The following AGAP1 variants were observed in gnomAD, a reference collection of about 807,000 sequenced individuals.
AGAP1 encodes the protein arf-GAP with GTPase, ANK repeat and PH domain-containing protein 1.
AGAP1 carries 29 observed loss-of-function variants against 105.3 expected under a neutral mutation model. The observed-to-expected ratio is 0.28, with a 90% CI of 0.21 to 0.38. The LOEUF is 0.38. Among genes scored for constraint, AGAP1 ranks in the 10% least tolerant of loss-of-function variants. The probability of loss-of-function intolerance (pLI) is 1.00; values close to 1 mark genes in which losing one functional copy is unlikely to be tolerated. For missense variants in AGAP1, 998 were observed against 1,165.1 expected (o/e 0.86, Z 2.09); for synonymous variants, 509 against 485.9 (o/e 1.05, Z -0.63).
chr2:235,711,942 T>A (rs1182075152), intron 2 of AGAP1, among the ~76,000 whole-genome samples: 1 of 152,202 alleles, frequency 6.6e-6, no homozygotes, highest in Non-Finnish European at 1.5e-5. Flanking sequence ...TTGCAATAAA[T>A]CTTTTGAAAT....
chr2:235,785,331 G>A (rs1372450582), intron 6 of AGAP1, among the ~76,000 whole-genome samples: 4 of 152,112 alleles, frequency 2.6e-5, no homozygotes, highest in Non-Finnish European at 5.9e-5. Flanking sequence ...CTAAAAATAG[G>A]AAGCAAATTA....
At position 235,494,544 on chromosome 2, in the gene AGAP1, TTTC is replaced by T. The variant is rs2148987384; in HGVS notation, c.-138_-136del. 6.6e-6 allele frequency: 1 copy of T among 150,602 alleles called. No homozygotes were observed. Among genetic ancestry groups the T allele is most frequent in the South Asian group, 2.2e-4 (1 of 4,622 alleles). 9.3% of individuals were successfully genotyped at this position (150,602 alleles called of 1,614,324 possible). A position where few individuals can be genotyped will look rare whatever the true frequency, so the allele number is the denominator to read the frequency against. ...GCCCCGCGCCTGCTCCGCCCGCGCC[TTTC>T]TTCTCGCGCCTCCTCCGCCCGCCGC... is the stretch of plus-strand genomic sequence containing the variant. On this transcript the variant is annotated 5_prime_UTR_variant, in exon 1 of 18. Coordinates refer to ENST00000304032, the MANE Select transcript of AGAP1 (RefSeq NM_001037131.3).
chr2:235,578,565 T>C lies in AGAP1; in HGVS notation c.163+83716T>C, dbSNP rs1475772392. Among the ~76,000 whole-genome samples the C allele has an allele frequency of 6.6e-6, 1 of 152,046 alleles. No homozygotes were observed. The highest frequency in any genetic ancestry group is 1.5e-5 in the Non-Finnish European group (1 of 67,986). ...TGGGAGGCTGAGGCAGGCGGATCAC[T>C]TGAGGTCAGGAGTTTGAGACCAGCC... On this transcript the variant is annotated intron_variant, in intron 1 of 17. Coordinates refer to ENST00000304032, the MANE Select transcript of AGAP1 (RefSeq NM_001037131.3). The surrounding 1 kb of genome is among the most constrained non-coding windows in gnomAD (Gnocchi z 4.9).
rs369640654 is a variant in AGAP1, at chr2:235,882,755, G to T, written c.1051-590G>T. ...CTCCCAAAGTTCTGGGATTACAGGC[G>T]TGAGCCACCGTGCCCGGCCTGGTTA... On this transcript the variant is annotated intron_variant, in intron 9 of 17. Transcript: ENST00000304032. This position sits in a 1 kb window ranked among gnomAD's most constrained non-coding sequence, Gnocchi z 4.6. Among the ~76,000 whole-genome samples, 1 of 152,162 alleles carries T rather than the reference G, an allele frequency of 6.6e-6. No homozygotes were observed. Among genetic ancestry groups the T allele is most frequent in the Non-Finnish European group, 1.5e-5 (1 of 68,034 alleles).
rs1053333062 is a variant in AGAP1 at position 235,662,247 on chromosome 2, C to G, written c.164-46932C>G. ...TTTGTGTATCCACTCAGTTGCATGC[C>G]AGGTAGTCACATCTTAACTTGTGGC... is the stretch of plus-strand genomic sequence containing the variant. On this transcript the variant is annotated intron_variant, in intron 1 of 17. Transcript: ENST00000304032. The surrounding 1 kb of genome is among the most constrained non-coding windows in gnomAD (Gnocchi z 4.2). Among the ~76,000 whole-genome samples, 3 of 152,176 alleles carry G rather than the reference C, an allele frequency of 2.0e-5. No homozygotes were observed. The highest frequency in any genetic ancestry group is 7.2e-5 in the African/African-American group (3 of 41,442).
chr2:235,750,375 C>A lies in AGAP1; in HGVS notation c.560C>A (p.Pro187Gln). 1 of 1,614,176 alleles carries A rather than the reference C, an allele frequency of 6.2e-7. No individual in the cohort carries two copies. Among genetic ancestry groups the A allele is most frequent in the Non-Finnish European group, 8.5e-7 (1 of 1,180,044 alleles). The change falls in exon 6 of 18, where the codon CCG becomes CAG. Residue 187 changes from proline to glutamine, a missense_variant. Physicochemically the swap from Pro to Gln is moderately conservative, Grantham distance 76 (BLOSUM62 -1). This residue lies in a region of AGAP1 where 735 missense variants were observed against 833.4 expected (regional missense o/e 0.88). Coordinates refer to ENST00000304032, the MANE Select transcript of AGAP1 (RefSeq NM_001037131.3). This position sits in a 1 kb window ranked among gnomAD's most constrained non-coding sequence, Gnocchi z 5.3. ...CCAGATGCCATAAGTTCTGCTAACCCGAGGGTCATCGATGACGCCAGGGCG... is the reference window on the plus strand; with the variant it reads ...CCAGATGCCATAAGTTCTGCTAACCAGAGGGTCATCGATGACGCCAGGGCG... Reference protein sequence around the residue: ...GTQDAISSANPRVIDDARARK... With the variant: ...GTQDAISSANQRVIDDARARK...
At chr2:236,084,364 A>T (rs2058868595) in intron 16 of AGAP1, among the ~76,000 whole-genome samples, 1 of 152,300 alleles carries the variant, frequency 6.6e-6, no homozygotes, top group African/African-American at 2.4e-5. Context: ...TTCTGGAACG[A>T]ATGATAAGTA....
intron 13 of AGAP1, among the ~76,000 whole-genome samples, chr2:236,022,054 C>CAAAAA (rs55810820): frequency 1.1e-5 from 1 of 89,302 alleles, no homozygotes; most frequent in Admixed American, 1.4e-4. Flanking sequence ...GACCCTGTCT[C>CAAAAA]AAAAAAAAAA....
rs1367126895 is a variant in AGAP1, at chr2:235,692,183, G to C, written c.164-16996G>C. On this transcript the variant is annotated intron_variant, in intron 1 of 17. Transcript: ENST00000304032. This position sits in a 1 kb window ranked among gnomAD's most constrained non-coding sequence, Gnocchi z 5.8. ...CAAAGCCGGGGGCTCCCTGGCAGATGCCCCTACCTGGCCAGGTCTCGTCGT... is the reference window on the plus strand; with the variant it reads ...CAAAGCCGGGGGCTCCCTGGCAGATCCCCCTACCTGGCCAGGTCTCGTCGT... Among the ~76,000 whole-genome samples the C allele has an allele frequency of 1.3e-5, 2 of 152,102 alleles. No individual in the cohort carries two copies.
In AGAP1 at chr2:236,129,339, C is replaced by T. The variant is rs1413769414; in HGVS notation, c.*5217C>T. On this transcript the variant is annotated 3_prime_UTR_variant, in exon 18 of 18. Transcript: ENST00000304032. The surrounding 1 kb of genome is among the most constrained non-coding windows in gnomAD (Gnocchi z 6.2). ...GGGGACGGGCCCTCTATCATTTAACCACATACATTAGGTTGCTTTTCAGCA... is the reference window on the plus strand; with the variant it reads ...GGGGACGGGCCCTCTATCATTTAACTACATACATTAGGTTGCTTTTCAGCA... 1 of 152,304 alleles carries T rather than the reference C, an allele frequency of 6.6e-6. No homozygotes were observed. Among genetic ancestry groups the T allele is most frequent in the Non-Finnish European group, 1.5e-5 (1 of 68,114 alleles). 9.4% of individuals were successfully genotyped at this position (152,304 alleles called of 1,614,324 possible). A position where few individuals can be genotyped will look rare whatever the true frequency, so the allele number is the denominator to read the frequency against.
chr2:235,640,238 G>T (rs544481935), intron 1 of AGAP1, among the ~76,000 whole-genome samples: 3 of 152,294 alleles, frequency 2.0e-5, no homozygotes, highest in African/African-American at 7.2e-5. Context: ...AACATTTCTT[G>T]CCCTTTTTGA....
chr2:236,051,027 A>G lies in AGAP1; in HGVS notation c.2114+1746A>G, dbSNP rs1236950723. Among the ~76,000 whole-genome samples the G allele has an allele frequency of 6.6e-6, 1 of 152,160 alleles. No individual in the cohort carries two copies. Among genetic ancestry groups the G allele is most frequent in the African/African-American group, 2.4e-5 (1 of 41,432 alleles). ...TCACATCATTATATTTTAGAGACCTATTGCAGAGACTTGCTTACTCCCAAG... is the reference window on the plus strand; with the variant it reads ...TCACATCATTATATTTTAGAGACCTGTTGCAGAGACTTGCTTACTCCCAAG... On this transcript the variant is annotated intron_variant, in intron 16 of 17. Transcript: ENST00000304032. The surrounding 1 kb of genome is among the most constrained non-coding windows in gnomAD (Gnocchi z 5.9).
rs1055634263 is a variant in AGAP1 at position 235,535,275 on chromosome 2, G to A, written c.163+40426G>A. ...CTGCTGCCTCCCGTTTCATCTGCAC[G>A]TCTCTTTCAATGCGGGCGTGCGAAC... On this transcript the variant is annotated intron_variant, in intron 1 of 17. Transcript: ENST00000304032. The surrounding 1 kb of genome is among the most constrained non-coding windows in gnomAD (Gnocchi z 5.1). Among the ~76,000 whole-genome samples, 1 of 152,154 alleles carries A rather than the reference G, an allele frequency of 6.6e-6. No homozygotes were observed. The highest frequency in any genetic ancestry group is 2.4e-5 in the African/African-American group (1 of 41,438).
In AGAP1 at chr2:235,953,359, G is replaced by A. The variant is rs1252137493; in HGVS notation, c.1484-15103G>A. On this transcript the variant is annotated intron_variant, in intron 12 of 17. Transcript: ENST00000304032. This position sits in a 1 kb window ranked among gnomAD's most constrained non-coding sequence, Gnocchi z 5.2. ...TGTGATGGCCAAGGGAAAAGAAAAC[G>A]TAATTTATCGTTATAAGATGTTAAT... Among the ~76,000 whole-genome samples the A allele has an allele frequency of 6.6e-6, 1 of 152,138 alleles. No homozygotes were observed. The highest frequency in any genetic ancestry group is 1.5e-5 in the Non-Finnish European group (1 of 68,030).
intron 1 of AGAP1, among the ~76,000 whole-genome samples, chr2:235,506,588 C>G (rs1406753034): frequency 1.3e-5 from 2 of 151,738 alleles, no homozygotes; most frequent in African/African-American, 4.8e-5. Context: ...ACATAAAATT[C>G]AGAATTTTAC....
rs934142797 is a variant in AGAP1 at position 236,126,817 on chromosome 2, GTA to G, written c.*2697_*2698del. ...CCCAGAGCTCGTTGGCAGTCTGTTTGTATTTCAGTGTCTAACCAGAAGTCCTT... is the reference window on the plus strand; with the variant it reads ...CCCAGAGCTCGTTGGCAGTCTGTTTGTTTCAGTGTCTAACCAGAAGTCCTT... On this transcript the variant is annotated 3_prime_UTR_variant, in exon 18 of 18. Transcript: ENST00000304032. 6.6e-6 allele frequency: 1 copy of G among 152,222 alleles called. No homozygotes were observed. The highest frequency in any genetic ancestry group is 2.4e-5 in the African/African-American group (1 of 41,454). 9.4% of individuals were successfully genotyped at this position (152,222 alleles called of 1,614,324 possible). A position where few individuals can be genotyped will look rare whatever the true frequency, so the allele number is the denominator to read the frequency against.
chr2:235,790,473 C>T (rs1177675409), intron 6 of AGAP1, among the ~76,000 whole-genome samples: 1 of 152,176 alleles, frequency 6.6e-6, no homozygotes, highest in Non-Finnish European at 1.5e-5. Flanking sequence ...CCCCACACCC[C>T]TGCACACTCC....
At chr2:235,530,082 G>A (rs1428859671) in intron 1 of AGAP1, among the ~76,000 whole-genome samples, 1 of 152,144 alleles carries the variant, frequency 6.6e-6, no homozygotes, top group Admixed American at 6.5e-5. Context: ...ATCCCCTGCT[G>A]TCCCAAAACT....
intron 1 of AGAP1, among the ~76,000 whole-genome samples, chr2:235,575,681 C>T (rs912168068): frequency 4.1e-4 from 62 of 152,332 alleles, no homozygotes; most frequent in African/African-American, 1.3e-3. Context: ...AAAGGGCTGC[C>T]GTAGGGAAAG....
Sources: allele counts gnomAD v4.1 joint callset (sites outside exome capture counted in the v4.1 genomes callset), GRCh38; gene constraint gnomAD v4.1.1; regional missense constraint gnomAD v4.1.1; non-coding constraint Gnocchi (gnomAD v3.1); transcripts MANE v1.5; gene names NCBI Gene and HGNC (gene_info 2026-07-23, HGNC 2026-07-21).